Variants in CCNL2 observed in about 807,000 individuals in gnomAD.
CCNL2 encodes cyclin-L2.
CCNL2 carries 28 observed loss-of-function variants against 59.1 expected under a neutral mutation model. The ratio of observed to expected loss-of-function variants is 0.47; its 90% CI spans 0.35 to 0.65. The LOEUF (loss-of-function observed/expected upper bound fraction) is 0.65, where lower values mean the gene tolerates loss of function less well. Ranked by LOEUF, CCNL2 falls within the 30% of genes least tolerant of loss-of-function variation. The pLI, the probability that CCNL2 is intolerant of heterozygous loss-of-function variation, is 0.00. For missense variants in CCNL2, 714 were observed against 717.4 expected, an observed-to-expected ratio of 1.00 and a Z score of 0.05; for synonymous variants, 342 against 288.6, an observed-to-expected ratio of 1.19 and a Z score of -1.88.
intron 3 of CCNL2, 93 bp downstream of exon 3, chr1:1,398,140 G>A (rs963026875): frequency 4.5e-5 from 54 of 1,210,380 alleles, no homozygotes; most frequent in Non-Finnish European, 3.8e-5. Context: ...AGAGCCTCAG[G>A]CCTGTATTGT....
In CCNL2 at chr1:1,398,699, T is replaced by C. The variant is rs1645191386; in HGVS notation, c.289-28A>G. On this transcript the variant is annotated intron_variant, in intron 1 of 10. Transcript: ENST00000400809. ...AGAGTAGAAGAAAGTTTCCGTATTT[T>C]CAAACGCACCATTCAAAGCCTTCGC... 5.0e-6 allele frequency: 8 copies of C among 1,599,354 alleles called. No homozygotes were observed. The South Asian group carries it at 8.8e-5, about 18-fold the overall frequency.
intron 6 of CCNL2, 71 bp downstream of exon 6, chr1:1,390,695 C>T (rs1644717706): frequency 6.6e-7 from 1 of 1,514,254 alleles, no homozygotes; most frequent in Non-Finnish European, 9.2e-7. Context: ...AAGAATAACA[C>T]AGTAAAGTTT....
intron 3 of CCNL2, among the ~76,000 whole-genome samples, chr1:1,396,698 C>T (rs1304107587): frequency 2.3e-4 from 35 of 150,804 alleles, no homozygotes; most frequent in Admixed American, 2.3e-3. Context: ...TCCTGCCTCA[C>T]CCTCCCGAAT....
chr1:1,396,397 G>A (rs1005900853), intron 3 of CCNL2, among the ~76,000 whole-genome samples: 1 of 150,272 alleles, frequency 6.7e-6, no homozygotes, highest in Non-Finnish European at 1.5e-5. Context: ...CTCCCAAGTA[G>A]CTGGTATTAC....
chr1:1,386,049 G>A lies in CCNL2; in HGVS notation c.*1182C>T, dbSNP rs1644444703. 6.6e-6 allele frequency: 1 copy of A among 152,264 alleles called. No individual in the cohort carries two copies. The highest frequency in any genetic ancestry group is 2.4e-5 in the African/African-American group (1 of 41,442). The allele number at this position is 152,264 out of a possible 1,614,324, so 9.4% of individuals were successfully genotyped here. On this transcript the variant is annotated 3_prime_UTR_variant, in exon 11 of 11. Coordinates refer to ENST00000400809, the MANE Select transcript of CCNL2 (RefSeq NM_030937.6). Reference sequence around the variant, plus strand: ...GTAAGTCCAAACGGTACCACCAGGAGTGGGGCCCCCTAGTCCCCAAAACCA... The same window carrying A: ...GTAAGTCCAAACGGTACCACCAGGAATGGGGCCCCCTAGTCCCCAAAACCA...
chr1:1,390,785 A>T lies in CCNL2; in HGVS notation c.740T>A (p.Leu247His). Reference sequence around the variant, plus strand: ...ACTGACCTCCAGCGTCCGGGCAGCAAGATAAATGCAGGCACAGGCGATGCT... The same window carrying T: ...ACTGACCTCCAGCGTCCGGGCAGCATGATAAATGCAGGCACAGGCGATGCT... ...PESIACACIY[L>H]AARTLEIPLP... The change falls in exon 6 of 11, where the codon CTT becomes CAT. Residue 247 changes from leucine to histidine, a missense_variant. Physicochemically the swap from Leu to His is moderately conservative, Grantham distance 99. This residue lies in a region of CCNL2 where 403 missense variants were observed against 377.7 expected (regional missense o/e 1.07). Coordinates refer to ENST00000400809, the MANE Select transcript of CCNL2 (RefSeq NM_030937.6). 6.2e-7 allele frequency: 1 copy of T among 1,614,164 alleles called. No individual in the cohort carries two copies.
chr1:1,387,354 C>T lies in CCNL2; in HGVS notation c.1440G>A (p.Pro480=), dbSNP rs372195187. ...RSRSRERADN[P]GKYKKKSHYY... Reference sequence around the variant, plus strand: ...AATGACTTTTCTTCTTGTATTTTCCCGGATTATCCGCCCGCTCCCGTGACC... The same window carrying T: ...AATGACTTTTCTTCTTGTATTTTCCTGGATTATCCGCCCGCTCCCGTGACC... The change falls in exon 11 of 11, where the codon CCG becomes CCA. Residue 480 remains proline (P), a synonymous_variant. Coordinates refer to ENST00000400809, the MANE Select transcript of CCNL2 (RefSeq NM_030937.6). 66 of 1,614,052 alleles carry T rather than the reference C, an allele frequency of 4.1e-5. No individual in the cohort carries two copies. Among genetic ancestry groups the T allele is most frequent in the South Asian group, 8.8e-5 (8 of 91,088 alleles).
At position 1,395,374 on chromosome 1, in the gene CCNL2, G is replaced by A; in HGVS notation, c.594+20C>T. 1 of 1,613,596 alleles carries A rather than the reference G, an allele frequency of 6.2e-7. No homozygotes were observed. The highest frequency in any genetic ancestry group is 1.1e-5 in the South Asian group (1 of 91,036). On this transcript the variant is annotated intron_variant, in intron 4 of 10. Coordinates refer to ENST00000400809, the MANE Select transcript of CCNL2 (RefSeq NM_030937.6). ...AGCAGCGGCCTAGGCGGGCTCGCAG[G>A]GCAGGAGCCGCACACCCACCTTATG...
chr1:1,394,326 C>T (rs542661757), intron 4 of CCNL2, among the ~76,000 whole-genome samples: 1 of 152,232 alleles, frequency 6.6e-6, no homozygotes, highest in African/African-American at 2.4e-5. Context: ...AGTGAGGGAC[C>T]GTGTCACGGC....
Position 1,399,328 on chromosome 1 carries a change from C to T in CCNL2, c.-22G>A, listed in dbSNP as rs890640738. The T allele has an allele frequency of 1.4e-6, 2 of 1,431,796 alleles. No individual in the cohort carries two copies. Among genetic ancestry groups the T allele is most frequent in the Non-Finnish European group, 9.1e-7 (1 of 1,102,556 alleles). The allele number at this position is 1,431,796 out of a possible 1,614,324, so 88.7% of individuals were successfully genotyped here. A position where few individuals can be genotyped will look rare whatever the true frequency, so the allele number is the denominator to read the frequency against. ...CCATTTTGTGCCGCCGACTCCCCTTCGGCTTCTTCCCTCAGGGCGGCTCCT... is the reference window on the plus strand; with the variant it reads ...CCATTTTGTGCCGCCGACTCCCCTTTGGCTTCTTCCCTCAGGGCGGCTCCT... On this transcript the variant is annotated 5_prime_UTR_variant, in exon 1 of 11. Coordinates refer to ENST00000400809, the MANE Select transcript of CCNL2 (RefSeq NM_030937.6).
chr1:1,393,654 G>A (rs1015195874), intron 4 of CCNL2, among the ~76,000 whole-genome samples, 194 bp from the exon 5 acceptor site: 7 of 152,238 alleles, frequency 4.6e-5, no homozygotes, highest in African/African-American at 1.7e-4. Context: ...AGCCAGGCAG[G>A]ACGCATGCCC....
chr1:1,391,746 C>T (rs926239220), intron 5 of CCNL2: 1 of 361,898 alleles, frequency 2.8e-6, no homozygotes, highest in South Asian at 2.4e-5. Flanking sequence ...GCATTTAAAA[C>T]CTGGCTACAT....
At position 1,387,202 on chromosome 1, in the gene CCNL2, T is replaced by C. The variant is rs1199550370; in HGVS notation, c.*29A>G. 1.9e-6 allele frequency: 3 copies of C among 1,571,938 alleles called. No homozygotes were observed. Among genetic ancestry groups the C allele is most frequent in the African/African-American group, 1.3e-5 (1 of 74,462 alleles). ...CATCAGGTACTCCCCAGGGAAGGGC[T>C]TGCGGCCACCAGTCACTGCAACCCC... On this transcript the variant is annotated 3_prime_UTR_variant, in exon 11 of 11. Coordinates refer to ENST00000400809, the MANE Select transcript of CCNL2 (RefSeq NM_030937.6).
intron 5 of CCNL2, chr1:1,391,574 G>A (rs1232114637): frequency 7.7e-7 from 1 of 1,304,592 alleles, no homozygotes; most frequent in African/African-American, 1.5e-5. Flanking sequence ...TCAACAAGGG[G>A]TCTTAAAATG....
At position 1,393,426 on chromosome 1, in the gene CCNL2, T is replaced by C; in HGVS notation, c.629A>G (p.Glu210Gly). 1 of 1,614,114 alleles carries C rather than the reference T, an allele frequency of 6.2e-7. No homozygotes were observed. The highest frequency in any genetic ancestry group is 8.5e-7 in the Non-Finnish European group (1 of 1,179,972). The change falls in exon 5 of 11, where the codon GAG becomes GGG. Residue 210 changes from glutamate to glycine, a missense_variant. Glu to Gly is a moderately conservative substitution (Grantham distance 98). Transcript: ENST00000400809. The stretch of plus-strand genomic sequence containing the variant: ...GGTCTGGACCAGGTGTTGGTTACGC[T>C]CACACTCTAACACCTGAAGGTACAT... Reference protein sequence around the residue: ...IVMYLQVLECERNQHLVQTSW... With the variant: ...IVMYLQVLECGRNQHLVQTSW...
rs140275617 is a variant in CCNL2, at chr1:1,387,828, C to G, written c.1160G>C (p.Arg387Pro). 6.2e-7 allele frequency: 1 copy of G among 1,613,284 alleles called. No homozygotes were observed. Among genetic ancestry groups the G allele is most frequent in the Admixed American group, 1.7e-5 (1 of 59,968 alleles). Residue 387 changes from arginine to proline, a missense_variant, in exon 10 of 11, where the codon CGT (arginine) becomes CCT (proline). Coordinates refer to ENST00000400809, the MANE Select transcript of CCNL2 (RefSeq NM_030937.6). ...TGGGGACCTCGAGTAGCTCTGCTCACGGCTCCGGCTCCGACTCCGACTCTC... is the reference window on the plus strand; with the variant it reads ...TGGGGACCTCGAGTAGCTCTGCTCAGGGCTCCGGCTCCGACTCCGACTCTC... ...GRESRSRSRS[R>P]EQSYSRSPSR...
In CCNL2 at chr1:1,398,217, GCT is replaced by G; in HGVS notation, c.473+14_473+15del. On this transcript the variant is annotated intron_variant, in intron 3 of 10. Coordinates refer to ENST00000400809, the MANE Select transcript of CCNL2 (RefSeq NM_030937.6). ...ATAGGCATCTATGATAGACTAGACA[GCT>G]CTGACTGACTCACTTTTTGTCTCTC... is the stretch of plus-strand genomic sequence containing the variant. 1 of 1,612,656 alleles carries G rather than the reference GCT, an allele frequency of 6.2e-7. No individual in the cohort carries two copies. The highest frequency in any genetic ancestry group is 1.7e-4 in the Middle Eastern group (1 of 6,058).
chr1:1,389,828 G>A (rs1343673950), intron 8 of CCNL2, among the ~76,000 whole-genome samples: 3 of 151,928 alleles, frequency 2.0e-5, no homozygotes, highest in Admixed American at 6.6e-5. Context: ...GCGTGGTGGC[G>A]GCCACCTGCA....
chr1:1,397,331 GT>G (rs1345472688), intron 3 of CCNL2, among the ~76,000 whole-genome samples: 1 of 152,158 alleles, frequency 6.6e-6, no homozygotes, highest in African/African-American at 2.4e-5. Flanking sequence ...GCCTCACCCT[GT>G]TGTCCAGGCT....
Sources: gnomAD v4.1 joint callset for allele counts (sites outside exome capture counted in the v4.1 genomes callset) on GRCh38, gnomAD v4.1.1 for gene constraint, gnomAD v4.1.1 regional missense constraint, MANE v1.5 for transcripts, NCBI Gene and HGNC (gene_info 2026-07-23, HGNC 2026-07-21) for gene names.